Variants in BBX observed in about 807,000 individuals in gnomAD.
BBX encodes the protein BBX high mobility group box domain containing.
BBX carries 30 observed loss-of-function variants against 100.2 expected under a neutral mutation model. The ratio of observed to expected loss-of-function variants is 0.30; its 90% CI spans 0.22 to 0.41. The LOEUF (loss-of-function observed/expected upper bound fraction) is 0.41. Ranked by LOEUF, BBX falls within the 10% of genes least tolerant of loss-of-function variation. BBX has a pLI of 1.00. For synonymous variants in BBX, 376 were observed against 388.1 expected, an observed-to-expected ratio of 0.97 and a Z score of 0.37; for missense variants, 1,023 against 1,129.8, an observed-to-expected ratio of 0.91 and a Z score of 1.35.
intron 2 of BBX, among the ~76,000 whole-genome samples, chr3:107,589,060 T>A (rs1380622248): frequency 1.3e-5 from 2 of 152,210 alleles, no homozygotes; most frequent in East Asian, 3.8e-4. Context: ...ACCTGCCCCA[T>A]GAACCTTCCA....
At chr3:107,788,871 T>TG (rs1576817423) in intron 13 of BBX, among the ~76,000 whole-genome samples, 2 of 152,204 alleles carry the variant, frequency 1.3e-5, no homozygotes, top group East Asian at 3.8e-4. Flanking sequence ...ACAGAAGGAA[T>TG]GAAGAACTAA....
intron 2 of BBX, among the ~76,000 whole-genome samples, chr3:107,544,687 A>T (rs943188451): frequency 6.6e-6 from 1 of 151,944 alleles, no homozygotes; most frequent in South Asian, 2.1e-4. Context: ...CCTGGCCAAC[A>T]TAGCGAAACC....
At chr3:107,561,895 T>G (rs1264721109) in intron 2 of BBX, among the ~76,000 whole-genome samples, 3 of 152,246 alleles carry the variant, frequency 2.0e-5, no homozygotes, top group Non-Finnish European at 4.4e-5. Context: ...TTCAGTTTAA[T>G]TCTTTGTGCT....
Position 107,792,985 on chromosome 3 carries a change from C to T in BBX, c.2353+1686C>T, listed in dbSNP as rs567251510. 2.6e-5 allele frequency among the ~76,000 whole-genome samples: 4 copies of T among 152,206 alleles called. No individual in the cohort carries two copies. The South Asian group carries it at 8.3e-4, about 32-fold the overall frequency. On this transcript the variant is annotated intron_variant, in intron 15 of 17. Transcript: ENST00000325805. Reference sequence around the variant, plus strand: ...AGGAAATCTGGGTTCTAGTCTCAGACCTGCCACTAATCAGCATTTTTCAGT... The same window carrying T: ...AGGAAATCTGGGTTCTAGTCTCAGATCTGCCACTAATCAGCATTTTTCAGT...
chr3:107,785,201 C>A (rs1001768223), intron 13 of BBX, among the ~76,000 whole-genome samples: 2 of 148,652 alleles, frequency 1.3e-5, no homozygotes, highest in African/African-American at 4.9e-5. Context: ...AAAGCCCAGG[C>A]CCAGATGGCA....
chr3:107,536,942 G>A (rs1159747260), intron 2 of BBX, among the ~76,000 whole-genome samples: 1 of 152,122 alleles, frequency 6.6e-6, no homozygotes, highest in South Asian at 2.1e-4. Context: ...TGAAAAACTG[G>A]CCAGTTCCAG....
chr3:107,608,389 A>G (rs889771339), intron 2 of BBX, among the ~76,000 whole-genome samples: 5 of 151,818 alleles, frequency 3.3e-5, no homozygotes, highest in African/African-American at 1.2e-4. Flanking sequence ...AGATGTATGG[A>G]TTTGTTTCTG....
At chr3:107,691,170 A>C (rs1204631063) in intron 3 of BBX, among the ~76,000 whole-genome samples, 1 of 152,060 alleles carries the variant, frequency 6.6e-6, no homozygotes, top group African/African-American at 2.4e-5. Flanking sequence ...GACCTAACAT[A>C]GTGCTGGGAT....
At chr3:107,538,095 G>T (rs1357686103) in intron 2 of BBX, among the ~76,000 whole-genome samples, 10 of 152,164 alleles carry the variant, frequency 6.6e-5, no homozygotes, top group Admixed American at 6.6e-4. Flanking sequence ...ATGGTAATAA[G>T]AACTTCTTTT....
At chr3:107,697,879 G>T (rs1250388603) in intron 3 of BBX, among the ~76,000 whole-genome samples, 1 of 151,966 alleles carries the variant, frequency 6.6e-6, no homozygotes, top group Non-Finnish European at 1.5e-5. Flanking sequence ...TCCGAGCCAG[G>T]TGTGGGTTAT....
At chr3:107,796,546 C>G (rs1390098170) in intron 15 of BBX, among the ~76,000 whole-genome samples, 9 of 152,086 alleles carry the variant, frequency 5.9e-5, no homozygotes, top group Admixed American at 5.9e-4. Context: ...AATCTCGAAG[C>G]TTATGAATGT....
chr3:107,684,318 A>G (rs1000423828), intron 3 of BBX, among the ~76,000 whole-genome samples: 6 of 152,216 alleles, frequency 3.9e-5, no homozygotes, highest in African/African-American at 1.4e-4. Flanking sequence ...GTTAAGAAAT[A>G]GATTCCATTT....
chr3:107,602,276 G>A (rs2054120445), intron 2 of BBX, among the ~76,000 whole-genome samples: 1 of 152,156 alleles, frequency 6.6e-6, no homozygotes, highest in African/African-American at 2.4e-5. Context: ...GAGTAATTTT[G>A]ACTTCAAAGT....
intron 8 of BBX, among the ~76,000 whole-genome samples, chr3:107,745,482 G>C (rs1181895298): frequency 1.3e-5 from 2 of 151,768 alleles, no homozygotes; most frequent in Non-Finnish European, 2.9e-5. Context: ...TTTTTTTTAA[G>C]AGAGAGTCTC....
At chr3:107,576,923 C>T (rs1018255767) in intron 2 of BBX, among the ~76,000 whole-genome samples, 3 of 152,096 alleles carry the variant, frequency 2.0e-5, no homozygotes, top group South Asian at 4.2e-4. Context: ...TGCATTGGGG[C>T]GATCTTGGCT....
chr3:107,739,680 G>A (rs11920670), intron 7 of BBX, among the ~76,000 whole-genome samples: 1,594 of 152,320 alleles, frequency 0.01, 45 homozygotes, highest in African/African-American at 0.036. Context: ...GAGAAGGGTG[G>A]AGAGCAGGAA....
At chr3:107,533,752 A>G (rs2048315438) in intron 2 of BBX, among the ~76,000 whole-genome samples, 1 of 152,196 alleles carries the variant, frequency 6.6e-6, no homozygotes, top group Non-Finnish European at 1.5e-5. Context: ...TGTAATTATG[A>G]AAGGCTACTT....
chr3:107,621,633 C>G (rs1166188574), intron 2 of BBX, among the ~76,000 whole-genome samples: 1 of 152,154 alleles, frequency 6.6e-6, no homozygotes, highest in Non-Finnish European at 1.5e-5. Context: ...GCTTGAAGAC[C>G]TGAGTTGCTG....
chr3:107,756,061 G>C (rs1468012771), intron 10 of BBX, among the ~76,000 whole-genome samples: 2 of 151,998 alleles, frequency 1.3e-5, no homozygotes, highest in Non-Finnish European at 2.9e-5. Flanking sequence ...GTTGATGTTT[G>C]AATTTTTTTT....
Sources: allele counts gnomAD v4.1 joint callset (sites outside exome capture counted in the v4.1 genomes callset), GRCh38; gene constraint gnomAD v4.1.1; transcripts MANE v1.5; gene names NCBI Gene and HGNC (gene_info 2026-07-23, HGNC 2026-07-21).